Variants in TMEM114 observed in about 807,000 individuals in gnomAD.
TMEM114 encodes transmembrane protein 114.
TMEM114 carries 6 observed loss-of-function variants against 6.2 expected under a neutral mutation model. That is an observed-to-expected ratio of 0.97 (90% CI 0.53 to 1.91). The LOEUF is 1.91. TMEM114 is among the 40% of genes most tolerant of loss of function. The probability of loss-of-function intolerance (pLI) is 0.01; values close to 1 mark genes in which losing one functional copy is unlikely to be tolerated. For missense variants in TMEM114, 218 were observed against 158.3 expected, an observed-to-expected ratio of 1.38 and a Z score of -2.02; for synonymous variants, 104 against 73.0, an observed-to-expected ratio of 1.42 and a Z score of -2.16.
intron 2 of TMEM114, among the ~76,000 whole-genome samples, chr16:8,552,280 G>A (rs549391266): frequency 6.6e-6 from 1 of 151,984 alleles, no homozygotes; most frequent in Non-Finnish European, 1.5e-5. Flanking sequence ...GCTACTACGG[G>A]GGCTAAGGTG....
chr16:8,531,562 C>G, the TMEM114 span, among the ~76,000 whole-genome samples: 8 of 152,168 alleles, frequency 5.3e-5, no homozygotes, highest in Non-Finnish European at 7.3e-5. Flanking sequence ...GCCTCTTGCA[C>G]CCATGCAGAA....
At chr16:8,546,973 C>T (rs192360759) in intron 2 of TMEM114, among the ~76,000 whole-genome samples, 1 of 152,224 alleles carries the variant, frequency 6.6e-6, no homozygotes, top group Non-Finnish European at 1.5e-5. Context: ...CCACAGCCAA[C>T]TGAGCCTTGG....
intron 2 of TMEM114, among the ~76,000 whole-genome samples, chr16:8,552,441 T>C (rs1356888106): frequency 6.6e-6 from 1 of 151,888 alleles, no homozygotes; most frequent in African/African-American, 2.4e-5. Flanking sequence ...TTTGAGGTGA[T>C]TGAAAAGGTC....
chr16:8,583,731 G>A (rs1184297451), intron 2 of TMEM114, among the ~76,000 whole-genome samples: 2 of 151,660 alleles, frequency 1.3e-5, no homozygotes, highest in Admixed American at 1.3e-4. Context: ...CTGGGCAACA[G>A]AGCAAGACCA....
At chr16:8,563,461 ATGAGTAAGTGAATGAG>A (rs1479160604) in intron 2 of TMEM114, among the ~76,000 whole-genome samples, 25 of 148,870 alleles carry the variant, frequency 1.7e-4, no homozygotes, top group African/African-American at 5.1e-4. Context: ...GAGTGAGTGA[ATGAGTAAGTGAATGAG>A]TGAGTAAGTG....
chr16:8,569,657 G>C lies in TMEM114; in HGVS notation c.*116C>G. ...CGGGGATTTGTGGGGGAAGGAGGGG[G>C]GTGCCTGGCCTCCCCGAGTGGCCTT... On this transcript the variant is annotated 3_prime_UTR_variant, in exon 4 of 4. Coordinates refer to ENST00000620492, the MANE Select transcript of TMEM114 (RefSeq NM_001146336.2). 6.9e-7 allele frequency: 1 copy of C among 1,441,684 alleles called. No individual in the cohort carries two copies. Among genetic ancestry groups the C allele is most frequent in the East Asian group, 2.5e-5 (1 of 40,034 alleles). The allele number at this position is 1,441,684 out of a possible 1,614,324, so 89.3% of individuals were successfully genotyped here.
the TMEM114 span, among the ~76,000 whole-genome samples, chr16:8,531,190 G>A: frequency 5.3e-5 from 8 of 152,230 alleles, no homozygotes; most frequent in Non-Finnish European, 1.0e-4. Context: ...CAGTGCTAGT[G>A]TGCTGTTTGA....
rs367996805 is a variant in TMEM114 at position 8,572,135 on chromosome 16, G to C, written c.391C>G (p.Gln131Glu). ...GMTGFLSFLL[Q>E]AYLLLLLTGI... ...GTGAGCAGGAGGAGGAGGTAGGCTT[G>C]GAGGAGGAAGCTCAGAAACCCCGTC... The change falls in exon 3 of 4, where the codon CAA becomes GAA. Residue 131 changes from glutamine (Q) to glutamate (E), a missense_variant. Gln to Glu is a conservative substitution (Grantham distance 29, BLOSUM62 2). Coordinates refer to ENST00000620492, the MANE Select transcript of TMEM114 (RefSeq NM_001146336.2). The C allele has an allele frequency of 7.7e-5, 119 of 1,551,556 alleles. No homozygotes were observed. The African/African-American group carries it at 1.3e-3, about 17-fold the overall frequency.
intron 2 of TMEM114, among the ~76,000 whole-genome samples, chr16:8,582,539 A>G (rs1902185990): frequency 1.3e-5 from 2 of 152,206 alleles, no homozygotes; most frequent in African/African-American, 4.8e-5. Flanking sequence ...ATCTTAATAT[A>G]CACACATCAC....
At chr16:8,567,262 G>A (rs1901577311), downstream of TMEM114, among the ~76,000 whole-genome samples, 1 of 152,098 alleles carries the variant, frequency 6.6e-6, no homozygotes, top group Non-Finnish European at 1.5e-5. Context: ...GAATCTCTCA[G>A]ATAGATTATT....
At chr16:8,564,021 A>C (rs1268691133) in intron 2 of TMEM114, among the ~76,000 whole-genome samples, 1 of 146,464 alleles carries the variant, frequency 6.8e-6, no homozygotes, top group African/African-American at 2.6e-5. Flanking sequence ...GAGTATGTGA[A>C]TGAGTAAATG....
chr16:8,569,809 C>T lies in TMEM114; in HGVS notation c.636G>A (p.Glu212=). 2 of 1,550,834 alleles carry T rather than the reference C, an allele frequency of 1.3e-6. No homozygotes were observed. The highest frequency in any genetic ancestry group is 2.4e-5 in the East Asian group (1 of 40,902). The change falls in exon 4 of 4, where the codon GAG becomes GAA. Residue 212 remains glutamate, a synonymous_variant. Transcript: ENST00000620492. Reference sequence around the variant, plus strand: ...GGTCCTGCCTCCGTCTCAGGCTGAGCTCGCGGGCTGCTGCCAGGAAGGCTG... The same window carrying T: ...GGTCCTGCCTCCGTCTCAGGCTGAGTTCGCGGGCTGCTGCCAGGAAGGCTG... ...TGAAFLAAAR[E]LSLRRRQDQA...
intron 2 of TMEM114, among the ~76,000 whole-genome samples, chr16:8,545,130 A>G (rs536763963): frequency 6.6e-6 from 1 of 152,078 alleles, no homozygotes; most frequent in African/African-American, 2.4e-5. Flanking sequence ...TCTTTCTCTT[A>G]TGTTCTTGAT....
At chr16:8,560,575 A>T (rs964218553) in intron 2 of TMEM114, among the ~76,000 whole-genome samples, 2 of 152,188 alleles carry the variant, frequency 1.3e-5, no homozygotes, top group African/African-American at 4.8e-5. Context: ...GGAGGGAGGT[A>T]GCCCGGGATG....
downstream of TMEM114, among the ~76,000 whole-genome samples, chr16:8,537,384 C>T (rs538664092): frequency 2.6e-4 from 39 of 152,246 alleles, no homozygotes; most frequent in African/African-American, 9.1e-4. Context: ...GCCTGTAGTC[C>T]CAGCTACTTG....
chr16:8,577,529 G>A (rs1217559834), intron 2 of TMEM114, among the ~76,000 whole-genome samples: 2 of 152,084 alleles, frequency 1.3e-5, no homozygotes, highest in Non-Finnish European at 2.9e-5. Flanking sequence ...CCTCCCTGCA[G>A]GGTTGTTTTC....
intron 2 of TMEM114, among the ~76,000 whole-genome samples, chr16:8,541,062 G>C (rs1306475858): frequency 6.6e-6 from 1 of 152,164 alleles, no homozygotes; most frequent in African/African-American, 2.4e-5. Context: ...GTCTGGACCA[G>C]CCCCATGCAG....
At chr16:8,538,768 G>A (rs1487048641) in intron 2 of TMEM114, among the ~76,000 whole-genome samples, 2 of 152,038 alleles carry the variant, frequency 1.3e-5, no homozygotes, top group South Asian at 2.1e-4. Context: ...GGCCTCCCAA[G>A]GTGCTGGGAT....
the TMEM114 span, among the ~76,000 whole-genome samples, chr16:8,528,201 T>C: frequency 6.6e-6 from 1 of 151,968 alleles, no homozygotes. Flanking sequence ...ATGCCAGAAC[T>C]AGTTTCCTGA....
Sources: allele counts gnomAD v4.1 joint callset (sites outside exome capture counted in the v4.1 genomes callset), GRCh38; gene constraint gnomAD v4.1.1; transcripts MANE v1.5; gene names NCBI Gene and HGNC (gene_info 2026-07-23, HGNC 2026-07-21).